KIAA1614: variants seen among roughly 807,000 people sequenced by gnomAD.
KIAA1614 encodes the protein KIAA1614, also known as uncharacterized protein KIAA1614.
KIAA1614 carries 76 observed loss-of-function variants against 88.7 expected under a neutral mutation model. The ratio of observed to expected loss-of-function variants is 0.86; its 90% CI spans 0.71 to 1.04. The LOEUF (loss-of-function observed/expected upper bound fraction) is 1.04, where lower values mean the gene tolerates loss of function less well. Ranked by LOEUF, KIAA1614 falls within the 50% of genes least tolerant of loss-of-function variation. The pLI is 0.00. For synonymous variants in KIAA1614, 714 were observed against 675.5 expected (o/e 1.06, Z -0.88); for missense variants, 1,553 against 1,582.5 (o/e 0.98, Z 0.32).
chr1:180,947,348 T>C lies in KIAA1614; in HGVS notation c.*1760T>C, dbSNP rs1312255971. The C allele has an allele frequency of 2.0e-5, 3 of 152,408 alleles. No individual in the cohort carries two copies. The highest frequency in any genetic ancestry group is 4.8e-5 in the African/African-American group (2 of 41,556). 9.4% of individuals were successfully genotyped at this position (152,408 alleles called of 1,614,324 possible). A position where few individuals can be genotyped will look rare whatever the true frequency, so the allele number is the denominator to read the frequency against. On this transcript the variant is annotated 3_prime_UTR_variant, in exon 9 of 9. Coordinates refer to ENST00000367588, the MANE Select transcript of KIAA1614 (RefSeq NM_020950.2). ...GAGCACTGAGACTCTCTAATGTCTA[T>C]GAGAATAGACCCCAGTGGGACACGG...
At chr1:180,915,726 G>A (rs56950636) in intron 1 of KIAA1614, among the ~76,000 whole-genome samples, 162 of 152,246 alleles carry the variant, frequency 1.1e-3, no homozygotes, top group Middle Eastern at 6.8e-3. Context: ...GAACCAGGCC[G>A]CACAGCAGGA....
chr1:180,944,234 A>C, intron 7 of KIAA1614, 155 bp from the exon 8 acceptor site: 1 of 688,536 alleles, frequency 1.5e-6, no homozygotes, highest in Non-Finnish European at 2.4e-6. Context: ...TCCTTGAGTA[A>C]GTCATGGTGG....
At chr1:180,933,336 G>C (rs1654244014) in intron 4 of KIAA1614, among the ~76,000 whole-genome samples, 2 of 152,214 alleles carry the variant, frequency 1.3e-5, no homozygotes, top group Admixed American at 6.5e-5. Flanking sequence ...TCCCTCCAAA[G>C]TGTATGCACT....
At chr1:180,919,807 A>G (rs1653914294) in intron 3 of KIAA1614, among the ~76,000 whole-genome samples, 1 of 152,026 alleles carries the variant, frequency 6.6e-6, no homozygotes, top group African/African-American at 2.4e-5. Context: ...AATCCTCAGG[A>G]CTGGGGTTTC....
rs1273977792 is a variant in KIAA1614 at position 180,947,989 on chromosome 1, T to C, written c.*2401T>C. ...CCCACCCTCCCCCAGAGTCCCTTTT[T>C]GCTCCCTTGTAGGCAGTGGGAGCCC... On this transcript the variant is annotated 3_prime_UTR_variant, in exon 9 of 9. Transcript: ENST00000367588. 6.6e-6 allele frequency: 1 copy of C among 152,328 alleles called. No homozygotes were observed. The highest frequency in any genetic ancestry group is 1.5e-5 in the Non-Finnish European group (1 of 68,118). 9.4% of individuals were successfully genotyped at this position (152,328 alleles called of 1,614,324 possible). A position where few individuals can be genotyped will look rare whatever the true frequency, so the allele number is the denominator to read the frequency against.
At position 180,916,714 on chromosome 1, in the gene KIAA1614, G is replaced by A. The variant is rs1337663560; in HGVS notation, c.611G>A (p.Gly204Glu). 4.3e-6 allele frequency: 7 copies of A among 1,613,168 alleles called. No homozygotes were observed. Among genetic ancestry groups the A allele is most frequent in the Non-Finnish European group, 5.9e-6 (7 of 1,179,530 alleles). The stretch of plus-strand genomic sequence containing the variant: ...GACCATGACAGAGGTCCGCTGCTGG[G>A]GCCCAGCTCTTTGCAACAGAGCCCG... ...LPDHDRGPLL[G>E]PSSLQQSPIH... The change falls in exon 2 of 9, where the codon GGG (glycine) becomes GAG (glutamate). Residue 204 changes from glycine to glutamate, a missense_variant. By Grantham distance (98) the Gly-to-Glu change is moderately conservative (BLOSUM62 -2). Transcript: ENST00000367588.
At position 180,938,560 on chromosome 1, in the gene KIAA1614, C is replaced by A; in HGVS notation, c.2767C>A (p.Pro923Thr). ...PPLENSRDGG[P>T]QGFLGSADVA... ...GGATGCTGTGCTTGTTTCAGGAGGACCCCAGGGCTTTCTTGGCTCAGCAGA... is the reference window on the plus strand; with the variant it reads ...GGATGCTGTGCTTGTTTCAGGAGGAACCCAGGGCTTTCTTGGCTCAGCAGA... The change falls in exon 6 of 9, where the codon CCC (proline) becomes ACC (threonine). Residue 923 changes from proline to threonine, a missense_variant. Pro to Thr is a conservative substitution (Grantham distance 38, BLOSUM62 -1). Coordinates refer to ENST00000367588, the MANE Select transcript of KIAA1614 (RefSeq NM_020950.2). The A allele has an allele frequency of 6.2e-7, 1 of 1,613,856 alleles. No homozygotes were observed. The highest frequency in any genetic ancestry group is 8.5e-7 in the Non-Finnish European group (1 of 1,179,864).
At position 180,950,205 on chromosome 1, in the gene KIAA1614, G is replaced by T; in HGVS notation, c.*4617G>T. The T allele has an allele frequency of 2.6e-6, 1 of 387,230 alleles. No homozygotes were observed. Among genetic ancestry groups the T allele is most frequent in the Non-Finnish European group, 4.1e-6 (1 of 243,502 alleles). The allele number at this position is 387,230 out of a possible 1,614,324, so 24.0% of individuals were successfully genotyped here. ...GAGGGGTGTGTGTATGTGTGCATGC[G>T]CACAGAGAAGTGCCTGGTATGAGCA... On this transcript the variant is annotated 3_prime_UTR_variant, in exon 9 of 9. Coordinates refer to ENST00000367588, the MANE Select transcript of KIAA1614 (RefSeq NM_020950.2).
rs1258209780 is a variant in KIAA1614 at position 180,935,215 on chromosome 1, A to G, written c.1306A>G (p.Ser436Gly). The G allele has an allele frequency of 1.3e-6, 2 of 1,532,190 alleles. No individual in the cohort carries two copies. Among genetic ancestry groups the G allele is most frequent in the Non-Finnish European group, 1.8e-6 (2 of 1,142,650 alleles). 94.9% of individuals were successfully genotyped at this position (1,532,190 alleles called of 1,614,324 possible). A position where few individuals can be genotyped will look rare whatever the true frequency, so the allele number is the denominator to read the frequency against. ...GAGCGATTCCTCCAGCGGAGAGTCC[A>G]GCGGTGGGCACAGGCCGAGGCGGGG... Reference protein sequence around the residue: ...HTSDSSSGESSGGHRPRRGPS... With the variant: ...HTSDSSSGESGGGHRPRRGPS... The change falls in exon 5 of 9, where the codon AGC becomes GGC. Residue 436 changes from serine (S) to glycine (G), a missense_variant. By Grantham distance (56) the Ser-to-Gly change is moderately conservative. Transcript: ENST00000367588. This position sits in a 1 kb window ranked among gnomAD's most constrained non-coding sequence, Gnocchi z 6.1.
chr1:180,916,241 C>G lies in KIAA1614; in HGVS notation c.138C>G (p.Asn46Lys). The G allele has an allele frequency of 6.2e-7, 1 of 1,613,400 alleles. No individual in the cohort carries two copies. The change falls in exon 2 of 9, where the codon AAC (asparagine) becomes AAG (lysine). Residue 46 changes from asparagine (N) to lysine (K), a missense_variant. Asn to Lys is a moderately conservative substitution (Grantham distance 94, BLOSUM62 0). Transcript: ENST00000367588. ...EWSGPEPQLDNGHPPRPWPCP... is the reference protein window; with the variant it reads ...EWSGPEPQLDKGHPPRPWPCP... ...GTGGTCCTGAGCCACAGCTGGATAA[C>G]GGACACCCCCCAAGACCCTGGCCTT...
Position 180,950,548 on chromosome 1 carries a change from T to C in KIAA1614, c.*4960T>C. 9.2e-7 allele frequency: 1 copy of C among 1,085,330 alleles called. No homozygotes were observed. Among genetic ancestry groups the C allele is most frequent in the Non-Finnish European group, 1.1e-6 (1 of 884,194 alleles). The allele number at this position is 1,085,330 out of a possible 1,614,324, so 67.2% of individuals were successfully genotyped here. ...TCCCACGGTGACCCAGAAGTGCCGCTGCCCTCACTGTCACGGCCTCGGAAG... is the reference window on the plus strand; with the variant it reads ...TCCCACGGTGACCCAGAAGTGCCGCCGCCCTCACTGTCACGGCCTCGGAAG... On this transcript the variant is annotated 3_prime_UTR_variant, in exon 9 of 9. Transcript: ENST00000367588.
In KIAA1614 at chr1:180,936,328, G is replaced by A. The variant is rs1020675419; in HGVS notation, c.2419G>A (p.Ala807Thr). ...AGCTTCCTTGTGTCCTGAAGGCTGG[G>A]CGCCAACCCCTCCCCCTTCGAGGAA... is the stretch of plus-strand genomic sequence containing the variant. ...PTASLCPEGWAPTPPPSRKTT... is the reference protein window; with the variant it reads ...PTASLCPEGWTPTPPPSRKTT... Residue 807 changes from alanine (A) to threonine (T), a missense_variant, in exon 5 of 9, where the codon GCG becomes ACG. Physicochemically the swap from Ala to Thr is moderately conservative, Grantham distance 58 (BLOSUM62 0). Coordinates refer to ENST00000367588, the MANE Select transcript of KIAA1614 (RefSeq NM_020950.2). The A allele has an allele frequency of 6.2e-7, 1 of 1,614,150 alleles. No homozygotes were observed. Among genetic ancestry groups the A allele is most frequent in the Non-Finnish European group, 8.5e-7 (1 of 1,179,990 alleles).
intron 3 of KIAA1614, among the ~76,000 whole-genome samples, chr1:180,927,030 T>C (rs902873201): frequency 6.6e-6 from 1 of 151,970 alleles, no homozygotes; most frequent in East Asian, 1.9e-4. Flanking sequence ...TGGATGCAAA[T>C]AGTGAGAAGA....
intron 4 of KIAA1614, among the ~76,000 whole-genome samples, chr1:180,931,407 C>T (rs1160596237): frequency 1.3e-5 from 2 of 152,196 alleles, no homozygotes; most frequent in East Asian, 1.9e-4. Flanking sequence ...CCTGTGAAGC[C>T]ATATGTCTCC....
chr1:180,950,949 T>C lies in KIAA1614; in HGVS notation c.*5361T>C, dbSNP rs1429425884. ...GAACCAAAGAAAGCACATGTCCATA[T>C]TGGCCTTGACCCTTCCCTATTTCAG... On this transcript the variant is annotated 3_prime_UTR_variant, in exon 9 of 9. Coordinates refer to ENST00000367588, the MANE Select transcript of KIAA1614 (RefSeq NM_020950.2). 2 of 152,354 alleles carry C rather than the reference T, an allele frequency of 1.3e-5. No homozygotes were observed. The highest frequency in any genetic ancestry group is 1.3e-4 in the Admixed American group (2 of 15,294). 9.4% of individuals were successfully genotyped at this position (152,354 alleles called of 1,614,324 possible). A position where few individuals can be genotyped will look rare whatever the true frequency, so the allele number is the denominator to read the frequency against.
chr1:180,936,184 G>T lies in KIAA1614; in HGVS notation c.2275G>T (p.Gly759Trp), dbSNP rs374785590. Reference sequence around the variant, plus strand: ...CGCCCCCATGACGCCTGAATCATCGGGGCCAGGAGGCCAGGCCCAGGTTAC... The same window carrying T: ...CGCCCCCATGACGCCTGAATCATCGTGGCCAGGAGGCCAGGCCCAGGTTAC... ...TTAPMTPESSGPGGQAQVTES... is the reference protein window; with the variant it reads ...TTAPMTPESSWPGGQAQVTES... The change falls in exon 5 of 9, where the codon GGG becomes TGG. Residue 759 changes from glycine to tryptophan, a missense_variant. Physicochemically the swap from Gly to Trp is radical, Grantham distance 184. Coordinates refer to ENST00000367588, the MANE Select transcript of KIAA1614 (RefSeq NM_020950.2). The T allele has an allele frequency of 3.1e-6, 5 of 1,614,010 alleles. No homozygotes were observed. The African/African-American group carries it at 6.7e-5, about 22-fold the overall frequency.
In KIAA1614 at chr1:180,945,303, G is replaced by C. The variant is rs1223174160; in HGVS notation, c.3288G>C (p.Arg1096Ser). 1.9e-6 allele frequency: 3 copies of C among 1,579,494 alleles called. No individual in the cohort carries two copies. The highest frequency in any genetic ancestry group is 2.3e-5 in the East Asian group (1 of 44,094). The change falls in exon 9 of 9, where the codon AGG (arginine) becomes AGC (serine). Residue 1096 changes from arginine (R) to serine (S), a missense_variant and splice_region_variant. Arg to Ser is a moderately radical substitution (Grantham distance 110). Coordinates refer to ENST00000367588, the MANE Select transcript of KIAA1614 (RefSeq NM_020950.2). ...CACTGTGTCTCTGGTTCCCTCGCAG[G>C]CCGGCCAAGACTTCACCACGGCGTG... ...AGPGDHSAAG[R>S]PAKTSPRRAL... is the part of the protein sequence containing the mutation.
chr1:180,938,038 A>T (rs1411031492), intron 5 of KIAA1614, among the ~76,000 whole-genome samples: 5 of 151,936 alleles, frequency 3.3e-5, no homozygotes, highest in African/African-American at 1.2e-4. Flanking sequence ...ATCTCCTAGG[A>T]CTCCGTGAAC....
rs1177591862 is a variant in KIAA1614, at chr1:180,916,148, C to T, written c.51-6C>T. ...TCTTAGGAACTCTGTCTGTTTTCTC[C>T]TCCAGAGGGCCCAAGACAGGGAGTG... is the stretch of plus-strand genomic sequence containing the variant. On this transcript the variant is annotated splice_polypyrimidine_tract_variant and splice_region_variant and intron_variant, in intron 1 of 8. Coordinates refer to ENST00000367588, the MANE Select transcript of KIAA1614 (RefSeq NM_020950.2). 2 of 1,539,194 alleles carry T rather than the reference C, an allele frequency of 1.3e-6. No homozygotes were observed. The highest frequency in any genetic ancestry group is 2.3e-5 in the East Asian group (1 of 44,230).
Sources: gnomAD v4.1 joint callset for allele counts (sites outside exome capture counted in the v4.1 genomes callset) on GRCh38, gnomAD v4.1.1 for gene constraint, Gnocchi (gnomAD v3.1) non-coding constraint, MANE v1.5 for transcripts, NCBI Gene and HGNC (gene_info 2026-07-23, HGNC 2026-07-21) for gene names.